IQCJ: variants seen among roughly 807,000 people sequenced by gnomAD.
The protein encoded by IQCJ is IQ motif containing J.
Under a neutral mutation model 11.0 loss-of-function variants are expected in IQCJ, and 9 were observed. The observed-to-expected ratio is 0.82, with a 90% CI of 0.49 to 1.43. IQCJ has a LOEUF of 1.43. IQCJ is among the 40% of genes most tolerant of loss of function. The probability of loss-of-function intolerance (pLI) is 0.00; values close to 1 mark genes in which losing one functional copy is unlikely to be tolerated. For missense variants in IQCJ, 146 were observed against 133.2 expected (o/e 1.10, Z -0.47); for synonymous variants, 55 against 51.3 (o/e 1.07, Z -0.31).
chr3:159,124,713 A>T (rs1719570321), intron 1 of IQCJ, among the ~76,000 whole-genome samples: 1 of 152,128 alleles, frequency 6.6e-6, no homozygotes, highest in Non-Finnish European at 1.5e-5. Context: ...TATTTTTGCA[A>T]CCGTTGCAAC....
At chr3:159,202,042 G>A (rs1251029912) in intron 1 of IQCJ, among the ~76,000 whole-genome samples, 2 of 152,054 alleles carry the variant, frequency 1.3e-5, no homozygotes, top group Non-Finnish European at 2.9e-5. Context: ...TGTGAACTTG[G>A]GCAACTCATT....
At chr3:159,243,448 G>A (rs1160190960) in intron 1 of IQCJ, among the ~76,000 whole-genome samples, 1 of 152,176 alleles carries the variant, frequency 6.6e-6, no homozygotes, top group African/African-American at 2.4e-5. Flanking sequence ...AAAGAAATGA[G>A]CTATTGATAC....
At chr3:159,085,745 G>A (rs1294486860) in intron 1 of IQCJ, among the ~76,000 whole-genome samples, 19 of 151,402 alleles carry the variant, frequency 1.3e-4, no homozygotes, top group Admixed American at 4.6e-4. Context: ...CATGTCCTTC[G>A]CCCACTTTTT....
chr3:159,078,319 G>A lies in IQCJ; in HGVS notation c.9+8878G>A, dbSNP rs879485651. Among the ~76,000 whole-genome samples, 19 of 151,998 alleles carry A rather than the reference G, an allele frequency of 1.3e-4. 1 individual carries two copies. The highest frequency in any genetic ancestry group is 2.6e-4 in the Admixed American group (4 of 15,248). ...AGTTACATTGCTTTTGGGTTTTGAGGGTGGAAGTAATTTGCATGAGGAGTA... is the reference window on the plus strand; with the variant it reads ...AGTTACATTGCTTTTGGGTTTTGAGAGTGGAAGTAATTTGCATGAGGAGTA... On this transcript the variant is annotated intron_variant, in intron 1 of 3. Transcript: ENST00000397832.
chr3:159,257,893 G>A (rs1310835453), intron 3 of IQCJ, among the ~76,000 whole-genome samples: 1 of 152,124 alleles, frequency 6.6e-6, no homozygotes. Context: ...TAATGGGGAG[G>A]CAGGGATCTG....
chr3:159,123,833 C>T lies in IQCJ; in HGVS notation c.9+54392C>T, dbSNP rs75003339. Among the ~76,000 whole-genome samples, 1,444 of 152,224 alleles carry T rather than the reference C, an allele frequency of 9.5e-3. 30 individuals carry two copies. Among genetic ancestry groups the T allele is most frequent in the African/African-American group, 0.033 (1,356 of 41,518 alleles). Reference sequence around the variant, plus strand: ...AGTGGGGTGACAAAAAGCTTCACGACACATGGAATTAGGAACTTCATCTAG... The same window carrying T: ...AGTGGGGTGACAAAAAGCTTCACGATACATGGAATTAGGAACTTCATCTAG... On this transcript the variant is annotated intron_variant, in intron 1 of 3. Coordinates refer to ENST00000397832, the MANE Select transcript of IQCJ (RefSeq NM_001042706.3).
intron 1 of IQCJ, among the ~76,000 whole-genome samples, chr3:159,228,798 G>C (rs948942055): frequency 1.4e-5 from 1 of 71,442 alleles, no homozygotes; most frequent in Non-Finnish European, 3.0e-5. Context: ...GCGAGACTCC[G>C]TCTCAAAAAA....
chr3:159,148,333 C>T (rs532192170), intron 1 of IQCJ, among the ~76,000 whole-genome samples: 5 of 152,232 alleles, frequency 3.3e-5, no homozygotes, highest in African/African-American at 1.2e-4. Flanking sequence ...TCCTAATTTC[C>T]CCACTTAATT....
intron 1 of IQCJ, among the ~76,000 whole-genome samples, chr3:159,181,387 T>C (rs76613720): frequency 0.064 from 9,218 of 144,514 alleles, 912 homozygotes; most frequent in African/African-American, 0.21. Flanking sequence ...AGTCTAGCCA[T>C]TCACTTGGTT....
chr3:159,083,924 G>A (rs915207323), intron 1 of IQCJ, among the ~76,000 whole-genome samples: 4 of 152,040 alleles, frequency 2.6e-5, no homozygotes. Context: ...GGAAGGAGGC[G>A]GGTGGGCCGT....
Position 159,262,662 on chromosome 3 carries a change from C to G in IQCJ, c.270C>G (p.Thr90=), listed in dbSNP as rs765699106. The G allele has an allele frequency of 5.6e-6, 9 of 1,613,996 alleles. No homozygotes were observed. The highest frequency in any genetic ancestry group is 7.6e-6 in the Non-Finnish European group (9 of 1,179,862). ...EKLSSSVSMN[T]FSDSSTPVSV... ...TGAGCAGCTCTGTCAGCATGAACAC[C>G]TTCTCCGACAGCAGCACACCCGTGA... The change falls in exon 4 of 4, where the codon ACC becomes ACG. Residue 90 remains threonine, a synonymous_variant. Transcript: ENST00000397832.
intron 1 of IQCJ, among the ~76,000 whole-genome samples, chr3:159,114,007 G>A (rs1245171790): frequency 6.6e-6 from 1 of 152,042 alleles, no homozygotes; most frequent in East Asian, 1.9e-4. Context: ...GCTGCCAAGG[G>A]TGATTTTGTT....
In IQCJ at chr3:159,241,468, A is replaced by G. The variant is rs529414792; in HGVS notation, c.10-4375A>G. Among the ~76,000 whole-genome samples, 191 of 152,254 alleles carry G rather than the reference A, an allele frequency of 1.3e-3. No individual in the cohort carries two copies. In the South Asian group the frequency reaches 0.028, roughly 22 times the overall value. ...TAAGTAGAATGAAACTTAAAAGTCCATCAATGTGCTGGTTTCAAGCTCCAG... is the reference window on the plus strand; with the variant it reads ...TAAGTAGAATGAAACTTAAAAGTCCGTCAATGTGCTGGTTTCAAGCTCCAG... On this transcript the variant is annotated intron_variant, in intron 1 of 3. Coordinates refer to ENST00000397832, the MANE Select transcript of IQCJ (RefSeq NM_001042706.3).
chr3:159,090,945 A>C (rs989329167), intron 1 of IQCJ, among the ~76,000 whole-genome samples: 2 of 151,928 alleles, frequency 1.3e-5, no homozygotes, highest in African/African-American at 2.4e-5. Context: ...TAATTTCCCC[A>C]GTTGATTTGT....
intron 3 of IQCJ, among the ~76,000 whole-genome samples, chr3:159,254,613 G>A (rs1184290978): frequency 6.6e-6 from 1 of 152,156 alleles, no homozygotes; most frequent in Non-Finnish European, 1.5e-5. Flanking sequence ...ATGGCAGGTT[G>A]AAAATCTCCT....
At chr3:159,177,326 CA>C (rs1388021672) in intron 1 of IQCJ, among the ~76,000 whole-genome samples, 2 of 152,140 alleles carry the variant, frequency 1.3e-5, no homozygotes, top group African/African-American at 2.4e-5. Flanking sequence ...TGGGTGACTG[CA>C]TGCCTATTAG....
intron 3 of IQCJ, among the ~76,000 whole-genome samples, chr3:159,258,732 T>TA (rs1045330598): frequency 2.3e-4 from 35 of 152,294 alleles, no homozygotes; most frequent in African/African-American, 7.9e-4. Flanking sequence ...TACTTTCTCA[T>TA]AAAAAATCAA....
intron 1 of IQCJ, among the ~76,000 whole-genome samples, chr3:159,236,624 G>A (rs1377386777): frequency 6.6e-6 from 1 of 152,112 alleles, no homozygotes; most frequent in African/African-American, 2.4e-5. Context: ...TTGTCACCAG[G>A]GAGCATCATT....
intron 1 of IQCJ, among the ~76,000 whole-genome samples, chr3:159,231,840 CT>C (rs1305569043): frequency 6.6e-6 from 1 of 152,170 alleles, no homozygotes; most frequent in Non-Finnish European, 1.5e-5. Flanking sequence ...GATGTGACTT[CT>C]TCCTGATTTA....
Sources: allele counts gnomAD v4.1 joint callset (sites outside exome capture counted in the v4.1 genomes callset), GRCh38; gene constraint gnomAD v4.1.1; transcripts MANE v1.5; gene names NCBI Gene and HGNC (gene_info 2026-07-23, HGNC 2026-07-21).